The following ZFAT variants were observed in gnomAD, a reference collection of about 807,000 sequenced individuals.
ZFAT encodes zinc finger and AT-hook domain containing, also known as zinc finger protein ZFAT.
In ZFAT, 64 loss-of-function variants were observed where a neutral mutation model predicts 117.7. The observed-to-expected ratio is 0.54, with a 90% confidence interval of 0.44 to 0.67. The LOEUF (loss-of-function observed/expected upper bound fraction) is 0.67, where lower values mean the gene tolerates loss of function less well. ZFAT is among the 30% of genes least tolerant of loss of function. The pLI, the probability that ZFAT is intolerant of heterozygous loss-of-function variation, is 0.00. For missense variants in ZFAT, 1,433 were observed against 1,584.5 expected (o/e 0.90, Z 1.62); for synonymous variants, 679 against 615.0 (o/e 1.10, Z -1.54).
chr8:134,670,429 G>A (rs1039728831), intron 1 of ZFAT, among the ~76,000 whole-genome samples: 1 of 152,232 alleles, frequency 6.6e-6, no homozygotes, highest in Admixed American at 6.5e-5. Flanking sequence ...AATCAAACTA[G>A]AACTCAGGAT....
At chr8:134,537,641 T>C (rs1223432338) in intron 11 of ZFAT, among the ~76,000 whole-genome samples, 1 of 151,976 alleles carries the variant, frequency 6.6e-6, no homozygotes, top group African/African-American at 2.4e-5. Context: ...AACTTCCCAT[T>C]TTGAAATATC....
At chr8:134,828,797 C>T in the ZFAT span, among the ~76,000 whole-genome samples, 1 of 152,196 alleles carries the variant, frequency 6.6e-6, no homozygotes, top group South Asian at 2.1e-4. Flanking sequence ...GAAAAAACTC[C>T]TTTGAAAGAA....
intron 14 of ZFAT, chr8:134,510,247 T>A (rs1819719936): frequency 4.6e-6 from 2 of 433,202 alleles, no homozygotes; most frequent in African/African-American, 2.0e-5. Context: ...CCAAACCAAT[T>A]GAAGCTGGGG....
At position 134,490,235 on chromosome 8, in the gene ZFAT, G is replaced by A. The variant is rs958039389; in HGVS notation, c.3493-11514C>T. On this transcript the variant is annotated intron_variant, in intron 15 of 15. Transcript: ENST00000377838. ...TAGAACATGTTAAAGAGATCCAGGGGTTTGAGGTGACACCAAGATCAAGGT... is the reference window on the plus strand; with the variant it reads ...TAGAACATGTTAAAGAGATCCAGGGATTTGAGGTGACACCAAGATCAAGGT... Among the ~76,000 whole-genome samples the A allele has an allele frequency of 1.4e-4, 21 of 152,346 alleles. 1 individual carries two copies. Among genetic ancestry groups the A allele is most frequent in the African/African-American group, 4.3e-4 (18 of 41,582 alleles).
intron 1 of ZFAT, among the ~76,000 whole-genome samples, chr8:134,702,642 G>A (rs142017187): frequency 1.5e-3 from 229 of 151,674 alleles, no homozygotes; most frequent in Middle Eastern, 0.01. Flanking sequence ...ATGTGGAACT[G>A]TGAGTCCACC....
intron 11 of ZFAT, among the ~76,000 whole-genome samples, chr8:134,557,666 C>A (rs1823749294): frequency 6.6e-6 from 1 of 151,990 alleles, no homozygotes; most frequent in Non-Finnish European, 1.5e-5. Context: ...TTGATTCACT[C>A]AAAAGAAGAC....
intron 15 of ZFAT, among the ~76,000 whole-genome samples, chr8:134,489,635 C>T (rs10096590): frequency 6.6e-6 from 1 of 152,074 alleles, no homozygotes; most frequent in South Asian, 2.1e-4. Context: ...CAGCGTTCAG[C>T]CCCAGGAGGG....
intron 10 of ZFAT, among the ~76,000 whole-genome samples, chr8:134,583,022 C>T (rs547383942): frequency 6.6e-6 from 1 of 152,292 alleles, no homozygotes; most frequent in Admixed American, 6.5e-5. Context: ...AAGTCTCTTA[C>T]AGTTTAGCTG....
At chr8:134,501,764 GTTTATA>G (rs1177376118) in intron 15 of ZFAT, among the ~76,000 whole-genome samples, 3 of 152,166 alleles carry the variant, frequency 2.0e-5, no homozygotes, top group African/African-American at 7.2e-5. Context: ...GGAGAGACTT[GTTTATA>G]GTAGAAGTCA....
At chr8:134,482,153 C>T (rs1817354141) in intron 15 of ZFAT, among the ~76,000 whole-genome samples, 3 of 152,178 alleles carry the variant, frequency 2.0e-5, no homozygotes, top group Non-Finnish European at 2.9e-5. Context: ...CCTGGGTCTC[C>T]CACCTTGACT....
intron 9 of ZFAT, among the ~76,000 whole-genome samples, chr8:134,585,486 C>T (rs1021375130): frequency 2.0e-5 from 3 of 152,192 alleles, no homozygotes; most frequent in African/African-American, 7.2e-5. Flanking sequence ...TGCACTGTCT[C>T]CCAGTCCTGG....
chr8:134,508,276 CAG>C (rs1819559564), intron 15 of ZFAT, among the ~76,000 whole-genome samples: 1 of 152,226 alleles, frequency 6.6e-6, no homozygotes, highest in Admixed American at 6.5e-5. Context: ...TGGGCACACT[CAG>C]GGGACAGTTG....
intron 4 of ZFAT, among the ~76,000 whole-genome samples, chr8:134,609,202 A>G (rs1201372393): frequency 2.6e-5 from 4 of 152,080 alleles, no homozygotes; most frequent in Non-Finnish European, 5.9e-5. Context: ...ATACATATAT[A>G]TGTTACTTGC....
At chr8:134,639,636 A>C (rs990681050) in intron 2 of ZFAT, 1 of 454,722 alleles carries the variant, frequency 2.2e-6, no homozygotes, top group African/African-American at 2.0e-5. Flanking sequence ...CAAGGTACAG[A>C]GTAAGAAACC....
At chr8:134,822,619 G>C in the ZFAT span, among the ~76,000 whole-genome samples, 1 of 152,068 alleles carries the variant, frequency 6.6e-6, no homozygotes, top group Non-Finnish European at 1.5e-5. Context: ...ATAAGTGTGA[G>C]AAAGTAAAGG....
chr8:134,681,214 C>A (rs1453144520), intron 1 of ZFAT, among the ~76,000 whole-genome samples: 3 of 152,178 alleles, frequency 2.0e-5, no homozygotes, highest in African/African-American at 7.2e-5. Flanking sequence ...ATGGACCCCA[C>A]ACCTTTGCCC....
At chr8:134,806,459 T>A in the ZFAT span, among the ~76,000 whole-genome samples, 15 of 152,302 alleles carry the variant, frequency 9.8e-5, no homozygotes, top group African/African-American at 3.6e-4. Flanking sequence ...CTATTCAAAC[T>A]GTACTACAAC....
chr8:134,621,724 T>A (rs1349695439), intron 3 of ZFAT, among the ~76,000 whole-genome samples: 1 of 152,186 alleles, frequency 6.6e-6, no homozygotes, highest in African/African-American at 2.4e-5. Context: ...TTAAAGTGAA[T>A]GAGCTCCCTG....
intron 15 of ZFAT, among the ~76,000 whole-genome samples, chr8:134,488,405 A>T (rs1817806540): frequency 6.6e-6 from 1 of 152,212 alleles, no homozygotes. Context: ...TGGAGTTAGG[A>T]ACGTGAAGTT....
Sources: allele counts gnomAD v4.1 joint callset (sites outside exome capture counted in the v4.1 genomes callset), GRCh38; gene constraint gnomAD v4.1.1; transcripts MANE v1.5; gene names NCBI Gene and HGNC (gene_info 2026-07-23, HGNC 2026-07-21).